Variants in NBAS observed in about 807,000 individuals in gnomAD.
The protein encoded by NBAS is NAG/BC035112 fusion.
Under a neutral mutation model 302.5 loss-of-function variants are expected in NBAS, and 219 were observed. That is an observed-to-expected ratio of 0.72 (90% CI 0.65 to 0.81). The LOEUF (loss-of-function observed/expected upper bound fraction) is 0.81. Among genes scored for constraint, NBAS ranks in the 30% least tolerant of loss-of-function variants. The pLI, the probability that NBAS is intolerant of heterozygous loss-of-function variation, is 0.00. For missense variants in NBAS, 2,932 were observed against 2,841.6 expected, an observed-to-expected ratio of 1.03 and a Z score of -0.72; for synonymous variants, 1,118 against 1,021.6, an observed-to-expected ratio of 1.09 and a Z score of -1.80.
the NBAS span, among the ~76,000 whole-genome samples, chr2:15,098,202 TATATA>T: frequency 5.3e-5 from 1 of 18,722 alleles, no homozygotes; most frequent in Non-Finnish European, 7.8e-5. Flanking sequence ...TATTATATTG[TATATA>T]ATATATTATA....
intron 11 of NBAS, among the ~76,000 whole-genome samples, chr2:15,497,242 C>T (rs2287263): frequency 0.52 from 78,758 of 151,962 alleles, 23,380 homozygotes; most frequent in Non-Finnish European, 0.67. Flanking sequence ...AAGCCACTGA[C>T]GGCTTTCTTC....
At chr2:15,556,955 A>C (rs2148717697) in intron 2 of NBAS, 136 bp from the exon 3 acceptor site, 4 of 693,126 alleles carry the variant, frequency 5.8e-6, no homozygotes, top group Middle Eastern at 3.0e-4. Context: ...CAAGTCTTAA[A>C]ATGAGAGACT....
chr2:14,879,296 AT>A, the NBAS span, among the ~76,000 whole-genome samples: 3 of 152,068 alleles, frequency 2.0e-5, no homozygotes, highest in Non-Finnish European at 4.4e-5. Flanking sequence ...TATACTCACC[AT>A]TTTGGGGGAC....
chr2:15,244,600 T>C (rs892706697), intron 44 of NBAS, among the ~76,000 whole-genome samples: 8 of 152,074 alleles, frequency 5.3e-5, no homozygotes, highest in African/African-American at 1.2e-4. Context: ...ACCATGTAAG[T>C]TGGGTGTCGG....
chr2:15,234,740 A>G lies in NBAS; in HGVS notation c.5951T>C (p.Leu1984Pro). The change falls in exon 46 of 52, where the codon CTG becomes CCG. Residue 1984 changes from leucine to proline, a missense_variant. Physicochemically the swap from Leu to Pro is moderately conservative, Grantham distance 98 (BLOSUM62 -3). Transcript: ENST00000281513. ...LSLKNSEQET[L>P]QKYSHLYDLS... ...ATCATAGAGGTGACTGTATTTTTGCAGTGTTTCCTGTAAAGACATGGTAAT... is the reference window on the plus strand; with the variant it reads ...ATCATAGAGGTGACTGTATTTTTGCGGTGTTTCCTGTAAAGACATGGTAAT... 1 of 1,614,106 alleles carries G rather than the reference A, an allele frequency of 6.2e-7. No individual in the cohort carries two copies. Among genetic ancestry groups the G allele is most frequent in the South Asian group, 1.1e-5 (1 of 91,086 alleles).
intron 50 of NBAS, among the ~76,000 whole-genome samples, chr2:15,182,688 T>C (rs1238561328): frequency 6.6e-6 from 1 of 152,204 alleles, no homozygotes; most frequent in Non-Finnish European, 1.5e-5. Context: ...ATTCTACCTA[T>C]TCCCAAGTCT....
chr2:14,832,764 G>A, the NBAS span, among the ~76,000 whole-genome samples: 2 of 152,252 alleles, frequency 1.3e-5, no homozygotes, highest in Admixed American at 6.5e-5. Flanking sequence ...AGGGTTTCTC[G>A]ACCTTGGCAT....
At chr2:14,997,453 GTT>G in the NBAS span, among the ~76,000 whole-genome samples, 662 of 141,972 alleles carry the variant, frequency 4.7e-3, 3 homozygotes, top group Non-Finnish European at 7.4e-3. Flanking sequence ...CCCTGTGCTT[GTT>G]TTTTTTTTTT....
At chr2:14,904,845 C>T in the NBAS span, among the ~76,000 whole-genome samples, 3 of 152,120 alleles carry the variant, frequency 2.0e-5, no homozygotes, top group African/African-American at 7.2e-5. Context: ...GTCAGGAGAT[C>T]GAGACCATCC....
chr2:14,808,998 T>C, the NBAS span, among the ~76,000 whole-genome samples: 1 of 152,182 alleles, frequency 6.6e-6, no homozygotes, highest in African/African-American at 2.4e-5. Context: ...TTGTGGAACT[T>C]TAAACTTCAG....
chr2:14,942,414 G>A, the NBAS span, among the ~76,000 whole-genome samples: 3 of 151,980 alleles, frequency 2.0e-5, no homozygotes, highest in African/African-American at 7.3e-5. Context: ...AAATTATGTA[G>A]CACCTCACCC....
At chr2:15,327,999 T>A in intron 37 of NBAS, 129 bp from the exon 38 acceptor site, 1 of 1,352,968 alleles carries the variant, frequency 7.4e-7, no homozygotes, top group Non-Finnish European at 1.0e-6. Flanking sequence ...AACTAAAGCA[T>A]GTTATTTTAT....
intron 16 of NBAS, among the ~76,000 whole-genome samples, chr2:15,472,111 A>G (rs1331873782): frequency 1.3e-5 from 2 of 152,052 alleles, no homozygotes; most frequent in African/African-American, 4.8e-5. Context: ...TCAGCTCCAA[A>G]TTTCCCCTCA....
chr2:15,290,885 T>C (rs576294889), intron 41 of NBAS, among the ~76,000 whole-genome samples: 9 of 152,326 alleles, frequency 5.9e-5, no homozygotes, highest in African/African-American at 2.2e-4. Flanking sequence ...CTAAAGATAA[T>C]TTTGGGTGTA....
At chr2:14,921,839 AT>A in the NBAS span, among the ~76,000 whole-genome samples, 273 of 152,126 alleles carry the variant, frequency 1.8e-3, no homozygotes, top group African/African-American at 4.0e-3. Context: ...GCTATTATAC[AT>A]TTTTTTTACA....
the NBAS span, among the ~76,000 whole-genome samples, chr2:14,797,710 A>G: frequency 1.3e-5 from 2 of 151,960 alleles, no homozygotes; most frequent in East Asian, 1.9e-4. Context: ...GTGAAGCTAT[A>G]GTGGTCACAG....
rs565995777 is a variant in NBAS, at chr2:15,372,200, G to A, written c.3703+2408C>T. 3.3e-5 allele frequency among the ~76,000 whole-genome samples: 5 copies of A among 152,138 alleles called. No homozygotes were observed. The East Asian group carries it at 9.7e-4, about 29-fold the overall frequency. Reference sequence around the variant, plus strand: ...TGTGGACCAAATGAAATATTCAAAGGCTGTTCATTTAAATATTAAGAAAAA... The same window carrying A: ...TGTGGACCAAATGAAATATTCAAAGACTGTTCATTTAAATATTAAGAAAAA... On this transcript the variant is annotated intron_variant, in intron 31 of 51. Coordinates refer to ENST00000281513, the MANE Select transcript of NBAS (RefSeq NM_015909.4).
chr2:15,327,602 GATGA>G (rs1267468859), intron 38 of NBAS, 144 bp downstream of exon 38: 5 of 934,474 alleles, frequency 5.4e-6, no homozygotes, highest in Admixed American at 2.1e-5. Context: ...TTAATAAATG[GATGA>G]ATGAACGAAT....
At chr2:14,894,093 AAAGTT>A in the NBAS span, among the ~76,000 whole-genome samples, 1 of 152,322 alleles carries the variant, frequency 6.6e-6, no homozygotes, top group Non-Finnish European at 1.5e-5. Context: ...TTAATTACCA[AAAGTT>A]AAGACTCTAT....
Sources: allele counts gnomAD v4.1 joint callset (sites outside exome capture counted in the v4.1 genomes callset), GRCh38; gene constraint gnomAD v4.1.1; transcripts MANE v1.5; gene names NCBI Gene and HGNC (gene_info 2026-07-23, HGNC 2026-07-21).